The following EPHA3 variants were observed in gnomAD, a reference collection of about 807,000 sequenced individuals.
EPHA3 encodes the protein ephrin type-A receptor 3.
EPHA3 carries 42 observed loss-of-function variants against 107.1 expected under a neutral mutation model. The ratio of observed to expected loss-of-function variants is 0.39; its 90% CI spans 0.31 to 0.51. EPHA3 has a LOEUF of 0.51. EPHA3 is among the 20% of genes least tolerant of loss of function. The pLI is 0.78. For synonymous variants in EPHA3, 461 were observed against 424.8 expected (o/e 1.09, Z -1.05); for missense variants, 1,183 against 1,211.2 (o/e 0.98, Z 0.35).
chr3:89,405,298 A>G (rs1709035189), intron 7 of EPHA3, among the ~76,000 whole-genome samples: 1 of 152,180 alleles, frequency 6.6e-6, no homozygotes. Flanking sequence ...GCCAGGCTCC[A>G]GTAACCCTTT....
chr3:89,422,281 G>C (rs894199312), intron 11 of EPHA3, among the ~76,000 whole-genome samples: 2 of 147,244 alleles, frequency 1.4e-5, no homozygotes, highest in Non-Finnish European at 3.0e-5. Context: ...TGCTATTATT[G>C]TCTTTGTTTC....
chr3:89,170,645 G>A (rs1705190587), intron 2 of EPHA3, among the ~76,000 whole-genome samples: 1 of 152,164 alleles, frequency 6.6e-6, no homozygotes, highest in South Asian at 2.1e-4. Context: ...AGTGTAGACA[G>A]TGGGATCCCA....
intron 2 of EPHA3, among the ~76,000 whole-genome samples, chr3:89,144,667 ATTAT>A (rs547093639): frequency 1.1e-3 from 167 of 151,796 alleles, no homozygotes; most frequent in Non-Finnish European, 2.2e-3. Context: ...ATACCATACT[ATTAT>A]TTATTTTTGC....
intron 3 of EPHA3, among the ~76,000 whole-genome samples, chr3:89,273,668 C>T (rs1415544193): frequency 6.6e-6 from 1 of 151,784 alleles, no homozygotes; most frequent in Non-Finnish European, 1.5e-5. Context: ...GTTTAGCTTC[C>T]TGAGGGCACC....
intron 2 of EPHA3, among the ~76,000 whole-genome samples, chr3:89,158,773 A>AACAGTGCCAAAAGAGTACTGG (rs1704859266): frequency 6.6e-6 from 1 of 152,126 alleles, no homozygotes; most frequent in African/African-American, 2.4e-5. Context: ...ATTCTTAATA[A>AACAGTGCCAAAAGAGTACTGG]ACAGTGCCAA....
chr3:89,149,936 T>C (rs1438582989), intron 2 of EPHA3, among the ~76,000 whole-genome samples: 5 of 151,924 alleles, frequency 3.3e-5, no homozygotes, highest in Non-Finnish European at 2.9e-5. Flanking sequence ...AAATATTTAG[T>C]GAGAGTTTGC....
chr3:89,279,639 T>C (rs1559630200), intron 3 of EPHA3, among the ~76,000 whole-genome samples: 1 of 152,178 alleles, frequency 6.6e-6, no homozygotes. Flanking sequence ...GATAAATATT[T>C]CTTCATAAGG....
At chr3:89,216,146 ATTTG>A (rs1312987526) in intron 3 of EPHA3, among the ~76,000 whole-genome samples, 4 of 152,044 alleles carry the variant, frequency 2.6e-5, no homozygotes, top group Admixed American at 1.3e-4. Context: ...TAAGCAGTTT[ATTTG>A]TTTGAGAGAC....
intron 5 of EPHA3, among the ~76,000 whole-genome samples, chr3:89,370,171 G>C (rs1258175993): frequency 1.3e-5 from 2 of 150,814 alleles, no homozygotes; most frequent in African/African-American, 4.9e-5. Flanking sequence ...ATACCCAAAG[G>C]ACTATAAGTC....
chr3:89,391,163 T>C (rs1708719883), intron 5 of EPHA3, among the ~76,000 whole-genome samples: 1 of 152,060 alleles, frequency 6.6e-6, no homozygotes, highest in African/African-American at 2.4e-5. Context: ...TCTAGTCCTA[T>C]GTCATGATCG....
At chr3:89,239,522 G>T (rs1160077116) in intron 3 of EPHA3, among the ~76,000 whole-genome samples, 1 of 152,060 alleles carries the variant, frequency 6.6e-6, no homozygotes, top group Non-Finnish European at 1.5e-5. Context: ...CACTATTTGT[G>T]CAGTATATAT....
intron 8 of EPHA3, 96 bp from the exon 9 acceptor site, chr3:89,407,971 A>G (rs568997532): frequency 8.5e-7 from 1 of 1,182,260 alleles, no homozygotes; most frequent in African/African-American, 1.6e-5. Context: ...TTGTTTGAGG[A>G]AAATGTTTTA....
At chr3:89,139,407 C>A (rs1704380060) in intron 2 of EPHA3, among the ~76,000 whole-genome samples, 1 of 151,820 alleles carries the variant, frequency 6.6e-6, no homozygotes, top group Non-Finnish European at 1.5e-5. Flanking sequence ...TAATCTGTAT[C>A]CGTATTGTTG....
chr3:89,380,021 G>T (rs1323562196), intron 5 of EPHA3, among the ~76,000 whole-genome samples: 1 of 152,040 alleles, frequency 6.6e-6, no homozygotes, highest in Admixed American at 6.5e-5. Context: ...GGGTTGTCAG[G>T]CATATACAAG....
intron 3 of EPHA3, among the ~76,000 whole-genome samples, chr3:89,281,245 G>C (rs1363999328): frequency 3.9e-5 from 6 of 152,016 alleles, no homozygotes; most frequent in African/African-American, 1.2e-4. Context: ...GGCTGGTCTC[G>C]AACTCCTGAG....
intron 5 of EPHA3, among the ~76,000 whole-genome samples, chr3:89,391,601 G>A (rs1218023262): frequency 2.7e-5 from 4 of 148,436 alleles, no homozygotes; most frequent in Admixed American, 6.7e-5. Flanking sequence ...CTAATTTTTT[G>A]TATTTTTTTT....
intron 5 of EPHA3, among the ~76,000 whole-genome samples, chr3:89,353,461 T>G (rs1707876660): frequency 6.6e-6 from 1 of 151,370 alleles, no homozygotes; most frequent in African/African-American, 2.4e-5. Flanking sequence ...AACATTTTGT[T>G]TATCTCAACA....
chr3:89,379,511 T>C (rs1268866521), intron 5 of EPHA3, among the ~76,000 whole-genome samples: 1 of 152,214 alleles, frequency 6.6e-6, no homozygotes, highest in Non-Finnish European at 1.5e-5. Context: ...ATAATGGGTT[T>C]AGGATATATA....
intron 2 of EPHA3, among the ~76,000 whole-genome samples, chr3:89,186,362 T>C (rs1379630133): frequency 6.7e-6 from 1 of 148,352 alleles, no homozygotes; most frequent in Non-Finnish European, 1.5e-5. Context: ...TCAATACATG[T>C]CCTTGGTTTA....
Sources: gnomAD v4.1 joint callset for allele counts (sites outside exome capture counted in the v4.1 genomes callset) on GRCh38, gnomAD v4.1.1 for gene constraint, MANE v1.5 for transcripts, NCBI Gene and HGNC (gene_info 2026-07-23, HGNC 2026-07-21) for gene names.